The following ETFA variants were observed in gnomAD, a reference collection of about 807,000 sequenced individuals.
ETFA encodes electron transfer flavoprotein subunit alpha, mitochondrial.
A neutral mutation model predicts 46.2 loss-of-function variants in ETFA; 22 were observed. The observed-to-expected ratio is 0.48, with a 90% CI of 0.34 to 0.68. The LOEUF (loss-of-function observed/expected upper bound fraction) is 0.68. Among genes scored for constraint, ETFA ranks in the 30% least tolerant of loss-of-function variants. The pLI is 0.01. For missense variants in ETFA, 345 were observed against 401.1 expected (o/e 0.86, Z 1.19); for synonymous variants, 131 against 139.9 (o/e 0.94, Z 0.45).
intron 1 of ETFA, among the ~76,000 whole-genome samples, chr15:76,308,547 T>C (rs1204262983): frequency 1.3e-5 from 2 of 151,892 alleles, no homozygotes; most frequent in South Asian, 2.1e-4. Context: ...CAAACCCAAA[T>C]TGAGTGACAG....
At chr15:76,295,287 A>T (rs1216355342) in intron 2 of ETFA, among the ~76,000 whole-genome samples, 4 of 152,252 alleles carry the variant, frequency 2.6e-5, no homozygotes, top group Non-Finnish European at 5.9e-5. Flanking sequence ...ATCAACACAA[A>T]AAAGAGATCA....
intron 9 of ETFA, among the ~76,000 whole-genome samples, chr15:76,247,602 T>C (rs988092334): frequency 6.6e-6 from 1 of 151,966 alleles, no homozygotes; most frequent in Non-Finnish European, 1.5e-5. Flanking sequence ...ATCAGTACAT[T>C]TTTTTTTACG....
Position 76,287,518 on chromosome 15 carries a change from G to A in ETFA, c.451+328C>T, listed in dbSNP as rs186636932. Among the ~76,000 whole-genome samples the A allele has an allele frequency of 2.0e-5, 3 of 152,188 alleles. No homozygotes were observed. The East Asian group carries it at 5.8e-4, about 29-fold the overall frequency. On this transcript the variant is annotated intron_variant, in intron 5 of 11. Transcript: ENST00000557943. ...AAATGAAGTAGAAGCAGCAAAGATT[G>A]AGAATACTATTTTTTTTTAAGTTTT... is the stretch of plus-strand genomic sequence containing the variant.
chr15:76,233,077 A>C (rs2141465494), intron 9 of ETFA, among the ~76,000 whole-genome samples: 1 of 152,324 alleles, frequency 6.6e-6, no homozygotes. Context: ...AGACAAGAAC[A>C]ATTTGGCGTA....
Position 76,266,148 on chromosome 15 carries a change from G to A in ETFA, c.816+8264C>T, listed in dbSNP as rs146729730. Among the ~76,000 whole-genome samples the A allele has an allele frequency of 3.7e-3, 557 of 152,302 alleles. 3 individuals carry two copies. Among genetic ancestry groups the A allele is most frequent in the African/African-American group, 0.013 (530 of 41,560 alleles). The stretch of plus-strand genomic sequence containing the variant: ...GGGCTGTTAATGCTGTAATTCAACC[G>A]ATGGGCAAGCTACAACCAGGGCTGC... On this transcript the variant is annotated intron_variant, in intron 9 of 11. Coordinates refer to ENST00000557943, the MANE Select transcript of ETFA (RefSeq NM_000126.4).
intron 8 of ETFA, among the ~76,000 whole-genome samples, chr15:76,275,222 A>T (rs1195916769): frequency 2.0e-5 from 3 of 152,138 alleles, no homozygotes; most frequent in Non-Finnish European, 4.4e-5. Context: ...AACCTGCACC[A>T]ATCTCCCATA....
chr15:76,274,092 T>A (rs1398698011), intron 9 of ETFA: 3 of 324,584 alleles, frequency 9.2e-6, no homozygotes, highest in Non-Finnish European at 1.8e-5. Flanking sequence ...TGGAAATAAA[T>A]CTTATCAATG....
At chr15:76,242,346 C>A (rs1396461898) in intron 9 of ETFA, among the ~76,000 whole-genome samples, 1 of 152,208 alleles carries the variant, frequency 6.6e-6, no homozygotes, top group African/African-American at 2.4e-5. Context: ...AGTATTCTTT[C>A]CATTCACCAA....
chr15:76,256,540 A>G (rs754248716), intron 9 of ETFA, among the ~76,000 whole-genome samples: 4 of 152,216 alleles, frequency 2.6e-5, no homozygotes, highest in Non-Finnish European at 5.9e-5. Context: ...AAGTGACCTC[A>G]TCAATTCTGA....
intron 1 of ETFA, among the ~76,000 whole-genome samples, chr15:76,301,331 T>C (rs1285953944): frequency 6.6e-6 from 1 of 152,210 alleles, no homozygotes; most frequent in East Asian, 1.9e-4. Flanking sequence ...AGGAGCAATG[T>C]CTGATATTTC....
chr15:76,296,011 C>A (rs920229245), intron 1 of ETFA, among the ~76,000 whole-genome samples: 14 of 130,024 alleles, frequency 1.1e-4, no homozygotes, highest in African/African-American at 3.4e-4. Context: ...GCGCGTGCGA[C>A]CATGGCTCAC....
In ETFA at chr15:76,286,271, A is replaced by G. The variant is rs140708603; in HGVS notation, c.562+100T>C. ...CATTTAAATTGAACTTTCAAATACT[A>G]TTCATTAGAAATGTAGGCAGAGGTC... On this transcript the variant is annotated intron_variant, in intron 6 of 11. Transcript: ENST00000557943. 1.2e-3 allele frequency: 809 copies of G among 652,280 alleles called. 5 individuals carry two copies. The African/African-American group carries it at 0.013, about 11-fold the overall frequency. 40.4% of individuals were successfully genotyped at this position (652,280 alleles called of 1,614,324 possible).
chr15:76,229,087 CATTTG>C (rs1347452019), intron 10 of ETFA: 2 of 152,150 alleles, frequency 1.3e-5, no homozygotes, highest in African/African-American at 4.8e-5. Context: ...TCATTAGATT[CATTTG>C]ATTTAACAAT....
chr15:76,260,454 C>T (rs1251001410), intron 9 of ETFA: 12 of 1,577,930 alleles, frequency 7.6e-6, no homozygotes, highest in Non-Finnish European at 8.7e-6. Flanking sequence ...GCCCTTCTGG[C>T]CTGCATGGTC....
intron 9 of ETFA, among the ~76,000 whole-genome samples, chr15:76,247,766 C>T (rs2039257850): frequency 6.6e-6 from 1 of 152,112 alleles, no homozygotes; most frequent in Non-Finnish European, 1.5e-5. Context: ...CAAAAACATA[C>T]CAAATAATGA....
At chr15:76,261,789 A>C (rs1180961746) in intron 9 of ETFA, 1 of 187,356 alleles carries the variant, frequency 5.3e-6, no homozygotes, top group Non-Finnish European at 1.1e-5. Context: ...AACATTTGGA[A>C]GATCTTCATA....
At chr15:76,255,744 G>A (rs1208917580) in intron 9 of ETFA, among the ~76,000 whole-genome samples, 1 of 152,158 alleles carries the variant, frequency 6.6e-6, no homozygotes, top group Non-Finnish European at 1.5e-5. Flanking sequence ...TACTCAAAAG[G>A]TTAAATAGCT....
Position 76,216,145 on chromosome 15 carries a change from AG to A in ETFA, c.*413del. 5.7e-6 allele frequency: 1 copy of A among 175,472 alleles called. No homozygotes were observed. The highest frequency in any genetic ancestry group is 1.2e-5 in the Non-Finnish European group (1 of 83,786). 10.9% of individuals were successfully genotyped at this position (175,472 alleles called of 1,614,324 possible). A position where few individuals can be genotyped will look rare whatever the true frequency, so the allele number is the denominator to read the frequency against. On this transcript the variant is annotated 3_prime_UTR_variant, in exon 12 of 12. Transcript: ENST00000557943. ...TTTGCCCTTCAACAATGAGATTAGTAGGTTGATTAGGCTGGTGGAGACAATC... is the reference window on the plus strand; with the variant it reads ...TTTGCCCTTCAACAATGAGATTAGTAGTTGATTAGGCTGGTGGAGACAATC...
intron 8 of ETFA, 75 bp downstream of exon 8, chr15:76,283,682 A>C: frequency 9.4e-7 from 1 of 1,061,066 alleles, no homozygotes; most frequent in Non-Finnish European, 1.4e-6. Flanking sequence ...AAAGACTTAC[A>C]CAAAAATGAA....
Sources: allele counts gnomAD v4.1 joint callset (sites outside exome capture counted in the v4.1 genomes callset), GRCh38; gene constraint gnomAD v4.1.1; transcripts MANE v1.5; gene names NCBI Gene and HGNC (gene_info 2026-07-23, HGNC 2026-07-21).